Variants in NEBL observed in about 807,000 individuals in gnomAD.
NEBL encodes the protein LIM and SH3 protein 2.
A neutral mutation model predicts 140.2 loss-of-function variants in NEBL; 122 were observed. That is an observed-to-expected ratio of 0.87 (90% CI 0.75 to 1.01). The LOEUF is 1.01. Ranked by LOEUF, NEBL falls within the 50% of genes least tolerant of loss-of-function variation. NEBL has a pLI of 0.00. For missense variants in NEBL, 1,365 were observed against 1,231.3 expected (o/e 1.11, Z -1.62); for synonymous variants, 436 against 398.9 (o/e 1.09, Z -1.11).
intron 2 of NEBL, among the ~76,000 whole-genome samples, chr10:21,103,014 T>G (rs1837547000): frequency 7.6e-6 from 1 of 131,644 alleles, no homozygotes; most frequent in Non-Finnish European, 1.6e-5. Context: ...TGCATATTGT[T>G]CCCCTCCTTG....
At chr10:21,246,280 G>T (rs1253090041) in intron 3 of NEBL, among the ~76,000 whole-genome samples, 1 of 152,224 alleles carries the variant, frequency 6.6e-6, no homozygotes, top group East Asian at 1.9e-4. Flanking sequence ...GTAGAAATGT[G>T]AAATGGTATA....
intron 3 of NEBL, among the ~76,000 whole-genome samples, chr10:20,969,544 CTTTTT>C (rs771623257): frequency 1.7e-5 from 2 of 115,754 alleles, no homozygotes; most frequent in African/African-American, 6.7e-5. Context: ...TTTTTCTTTT[CTTTTT>C]TTTTTTTTTT....
intron 3 of NEBL, among the ~76,000 whole-genome samples, chr10:21,238,921 G>A (rs1842399690): frequency 6.6e-6 from 1 of 152,054 alleles, no homozygotes; most frequent in Non-Finnish European, 1.5e-5. Context: ...TGGTTACCTT[G>A]ACAACATAGG....
rs912328859 is a variant in NEBL, at chr10:20,914,520, G to A, written c.357+47152C>T. 3.9e-5 allele frequency among the ~76,000 whole-genome samples: 6 copies of A among 152,238 alleles called. No individual in the cohort carries two copies. In the East Asian group the frequency reaches 7.7e-4, roughly 20 times the overall value. ...CAGGGACAGGAACCTTTCATAAAGC[G>A]AATTGTTTAATAATATTGTTCAATG... is the stretch of plus-strand genomic sequence containing the variant. On this transcript the variant is annotated intron_variant, in intron 4 of 6. Coordinates refer to the NEBL transcript ENST00000417816.
intron 26 of NEBL, among the ~76,000 whole-genome samples, chr10:20,799,958 A>C (rs185973320): frequency 1.3e-5 from 2 of 150,186 alleles, no homozygotes; most frequent in Non-Finnish European, 3.0e-5. Context: ...TGAGACGGAG[A>C]AAGAGAGAGC....
chr10:20,914,383 C>T (rs960396097), intron 4 of NEBL, among the ~76,000 whole-genome samples: 1 of 152,172 alleles, frequency 6.6e-6, no homozygotes, highest in African/African-American at 2.4e-5. Context: ...TACATGAAGT[C>T]CAGCCTTACT....
At chr10:20,924,838 T>A (rs1334231795) in intron 4 of NEBL, among the ~76,000 whole-genome samples, 1 of 151,924 alleles carries the variant, frequency 6.6e-6, no homozygotes, top group Non-Finnish European at 1.5e-5. Flanking sequence ...TTAACCATAA[T>A]CCGGCTGGCG....
chr10:21,021,350 T>C (rs1838783295), intron 2 of NEBL, among the ~76,000 whole-genome samples: 1 of 152,172 alleles, frequency 6.6e-6, no homozygotes, highest in South Asian at 2.1e-4. Context: ...GTCACTCCCC[T>C]GAGTAAAACC....
chr10:21,193,405 TG>T (rs1314557391), intron 3 of NEBL, among the ~76,000 whole-genome samples: 1 of 152,180 alleles, frequency 6.6e-6, no homozygotes, highest in Non-Finnish European at 1.5e-5. Flanking sequence ...AGTGATGAGT[TG>T]GGGAAGCTTC....
At chr10:21,270,756 A>T (rs1842851707) in intron 1 of NEBL, among the ~76,000 whole-genome samples, 1 of 152,156 alleles carries the variant, frequency 6.6e-6, no homozygotes, top group Non-Finnish European at 1.5e-5. Flanking sequence ...ACTCTTTTTT[A>T]TACCTCATAC....
chr10:21,117,972 G>A (rs1838360373), intron 2 of NEBL, among the ~76,000 whole-genome samples: 1 of 152,014 alleles, frequency 6.6e-6, no homozygotes, highest in African/African-American at 2.4e-5. Flanking sequence ...GTTTAACTGA[G>A]AAAATACACA....
intron 22 of NEBL, among the ~76,000 whole-genome samples, chr10:20,814,287 GTAACT>G (rs1838471417): frequency 6.6e-6 from 1 of 152,012 alleles, no homozygotes; most frequent in Non-Finnish European, 1.5e-5. Context: ...ATGACCAATA[GTAACT>G]ATCTATCTAG....
At chr10:20,876,883 C>T (rs1414676647) in intron 5 of NEBL, among the ~76,000 whole-genome samples, 1 of 152,172 alleles carries the variant, frequency 6.6e-6, no homozygotes, top group African/African-American at 2.4e-5. Flanking sequence ...TCTCTAATTA[C>T]ATTAGAAAAA....
intron 2 of NEBL, among the ~76,000 whole-genome samples, chr10:21,040,302 G>T (rs1834213231): frequency 6.6e-6 from 1 of 151,940 alleles, no homozygotes; most frequent in Non-Finnish European, 1.5e-5. Flanking sequence ...GGAGGTGGAG[G>T]TTGCTCCAGC....
intron 21 of NEBL, among the ~76,000 whole-genome samples, chr10:20,816,599 A>C (rs1838743678): frequency 1.3e-5 from 2 of 152,218 alleles, no homozygotes; most frequent in African/African-American, 4.8e-5. Flanking sequence ...TTGCATTATA[A>C]ACTGGTAAAA....
chr10:21,204,948 C>T (rs1306281223), intron 3 of NEBL, among the ~76,000 whole-genome samples: 1 of 152,204 alleles, frequency 6.6e-6, no homozygotes, highest in Non-Finnish European at 1.5e-5. Context: ...CTTTTCCTGG[C>T]TGCCTAGCCT....
At chr10:20,919,380 G>C (rs1833468468) in intron 4 of NEBL, among the ~76,000 whole-genome samples, 1 of 152,004 alleles carries the variant, frequency 6.6e-6, no homozygotes, top group African/African-American at 2.4e-5. Context: ...CCATTCATAG[G>C]GTATCTCTAA....
chr10:20,980,492 G>A (rs1836993163), intron 3 of NEBL, among the ~76,000 whole-genome samples: 1 of 152,180 alleles, frequency 6.6e-6, no homozygotes, highest in Non-Finnish European at 1.5e-5. Context: ...CACCTGCAGT[G>A]CACATACAAT....
At chr10:21,073,035 G>A (rs1229752614) in intron 2 of NEBL, among the ~76,000 whole-genome samples, 2 of 151,956 alleles carry the variant, frequency 1.3e-5, no homozygotes, top group African/African-American at 4.8e-5. Context: ...ACAGCACAGG[G>A]CTCCACCAGT....
Sources: gnomAD v4.1 joint callset for allele counts (sites outside exome capture counted in the v4.1 genomes callset) on GRCh38, gnomAD v4.1.1 for gene constraint, MANE v1.5 for transcripts, NCBI Gene and HGNC (gene_info 2026-07-23, HGNC 2026-07-21) for gene names.